Variants in HTR1F observed in about 807,000 individuals in gnomAD.
HTR1F encodes the protein 5-hydroxytryptamine (serotonin) receptor 1F, G protein-coupled.
Under a neutral mutation model 24.0 loss-of-function variants are expected in HTR1F, and 17 were observed. The ratio of observed to expected loss-of-function variants is 0.71; its 90% CI spans 0.48 to 1.06. The LOEUF (loss-of-function observed/expected upper bound fraction) is 1.06, where lower values mean the gene tolerates loss of function less well. Ranked by LOEUF, HTR1F falls within the 50% of genes least tolerant of loss-of-function variation. The pLI is 0.00. For missense variants in HTR1F, 391 were observed against 427.8 expected, an observed-to-expected ratio of 0.91 and a Z score of 0.76; for synonymous variants, 186 against 156.8, an observed-to-expected ratio of 1.19 and a Z score of -1.39.
chr3:87,962,839 T>C (rs12497021), intron 2 of HTR1F, among the ~76,000 whole-genome samples: 13,364 of 152,084 alleles, frequency 0.088, 626 homozygotes, highest in African/African-American at 0.11. Context: ...TTATTTCCAA[T>C]ATAACTCTTA....
chr3:87,901,232 G>A (rs1163602580), intron 2 of HTR1F, among the ~76,000 whole-genome samples: 1 of 152,098 alleles, frequency 6.6e-6, no homozygotes, highest in Non-Finnish European at 1.5e-5. Flanking sequence ...CCAACATCCA[G>A]GGCCTCAGGA....
chr3:87,803,533 A>G (rs1704027369), intron 1 of HTR1F, among the ~76,000 whole-genome samples: 2 of 152,136 alleles, frequency 1.3e-5, no homozygotes, highest in African/African-American at 2.4e-5. Context: ...TCACTTCTGC[A>G]GTGATATTCA....
At chr3:87,859,446 C>T (rs1297310368) in intron 2 of HTR1F, among the ~76,000 whole-genome samples, 2 of 152,156 alleles carry the variant, frequency 1.3e-5, no homozygotes, top group South Asian at 2.1e-4. Context: ...GCTGCTTCTA[C>T]AGTAGAACCA....
chr3:87,807,834 T>A (rs1704098025), intron 1 of HTR1F, among the ~76,000 whole-genome samples: 1 of 151,990 alleles, frequency 6.6e-6, no homozygotes, highest in South Asian at 2.1e-4. Context: ...CATGAAAGGA[T>A]GATGAATTTT....
chr3:87,911,217 A>G (rs756543158), intron 2 of HTR1F, among the ~76,000 whole-genome samples: 31 of 152,200 alleles, frequency 2.0e-4, no homozygotes, highest in Non-Finnish European at 4.4e-4. Context: ...ATAGTCGACT[A>G]GCTAGACTAA....
intron 2 of HTR1F, among the ~76,000 whole-genome samples, chr3:87,907,202 T>TA (rs1208069253): frequency 2.0e-5 from 3 of 151,656 alleles, no homozygotes; most frequent in Non-Finnish European, 2.9e-5. Context: ...CATTTATTTT[T>TA]TTTTTTGATT....
At chr3:87,826,710 C>T (rs1311740612) in intron 2 of HTR1F, among the ~76,000 whole-genome samples, 1 of 152,152 alleles carries the variant, frequency 6.6e-6, no homozygotes, top group Non-Finnish European at 1.5e-5. Flanking sequence ...TTTGTCTTAC[C>T]TACTACCGTG....
rs1576042024 is a variant in HTR1F at position 87,927,969 on chromosome 3, A to G, written c.-42-62739A>G. ...AAATAAACTCCATTGGTGGCTTAAT[A>G]AACTTAACAAATGATTTCATAAATC... is the stretch of plus-strand genomic sequence containing the variant. On this transcript the variant is annotated intron_variant, in intron 2 of 2. Coordinates refer to ENST00000319595, the MANE Select transcript of HTR1F (RefSeq NM_001322209.2). Among the ~76,000 whole-genome samples, 3 of 152,240 alleles carry G rather than the reference A, an allele frequency of 2.0e-5. 1 individual carries two copies. In the South Asian group the frequency reaches 6.2e-4, roughly 32 times the overall value.
chr3:87,826,028 A>G (rs1431446902), intron 2 of HTR1F, among the ~76,000 whole-genome samples: 2 of 152,228 alleles, frequency 1.3e-5, no homozygotes, highest in South Asian at 2.1e-4. Flanking sequence ...GATCATGTGT[A>G]TTAAAAAATA....
At chr3:87,850,031 A>C in intron 2 of HTR1F, among the ~76,000 whole-genome samples, 1 of 151,990 alleles carries the variant, frequency 6.6e-6, no homozygotes, top group East Asian at 1.9e-4. Flanking sequence ...TAGTTCAACC[A>C]TTGTGGAAGT....
intron 2 of HTR1F, among the ~76,000 whole-genome samples, chr3:87,955,359 T>C (rs62267058): frequency 0.14 from 21,794 of 151,432 alleles, 1,965 homozygotes; most frequent in East Asian, 0.24. Context: ...GATTCATCCA[T>C]GTTGCATGTA....
At chr3:87,849,463 T>G (rs1705029405) in intron 2 of HTR1F, among the ~76,000 whole-genome samples, 1 of 151,974 alleles carries the variant, frequency 6.6e-6, no homozygotes, top group East Asian at 1.9e-4. Flanking sequence ...TAATTCAAGA[T>G]GGATTAAAGA....
intron 2 of HTR1F, among the ~76,000 whole-genome samples, chr3:87,925,315 G>A (rs1390981052): frequency 6.6e-6 from 1 of 152,138 alleles, no homozygotes; most frequent in Non-Finnish European, 1.5e-5. Flanking sequence ...TTATCTGGTT[G>A]TGGAGGCTGT....
intron 2 of HTR1F, among the ~76,000 whole-genome samples, chr3:87,987,367 A>G (rs549871773): frequency 2.6e-5 from 4 of 151,720 alleles, no homozygotes; most frequent in African/African-American, 9.6e-5. Flanking sequence ...TCAAGGGAAA[A>G]TAGCTAAAGA....
intron 2 of HTR1F, among the ~76,000 whole-genome samples, chr3:87,966,224 C>A (rs1359244522): frequency 6.6e-6 from 1 of 152,176 alleles, no homozygotes; most frequent in Non-Finnish European, 1.5e-5. Flanking sequence ...TATAAAGACA[C>A]TAATCCCATT....
intron 2 of HTR1F, among the ~76,000 whole-genome samples, chr3:87,856,533 C>T (rs889436096): frequency 6.6e-6 from 1 of 152,046 alleles, no homozygotes; most frequent in Non-Finnish European, 1.5e-5. Context: ...ATAGCTTATA[C>T]TTACTTGTCT....
intron 2 of HTR1F, among the ~76,000 whole-genome samples, chr3:87,842,984 G>A (rs1234578659): frequency 6.6e-6 from 1 of 151,864 alleles, no homozygotes; most frequent in Non-Finnish European, 1.5e-5. Context: ...ACAGTGTTGT[G>A]ATAAAGGTTT....
At chr3:87,961,463 A>C (rs1705058682) in intron 2 of HTR1F, among the ~76,000 whole-genome samples, 1 of 151,962 alleles carries the variant, frequency 6.6e-6, no homozygotes, top group South Asian at 2.1e-4. Flanking sequence ...TGTGCTGTTA[A>C]ATTTTTTTAT....
chr3:87,807,199 T>G (rs1704087635), intron 1 of HTR1F, among the ~76,000 whole-genome samples: 1 of 152,098 alleles, frequency 6.6e-6, no homozygotes, highest in African/African-American at 2.4e-5. Flanking sequence ...TTACATTGAA[T>G]CTGTAGATCA....
Sources: gnomAD v4.1 joint callset for allele counts (sites outside exome capture counted in the v4.1 genomes callset) on GRCh38, gnomAD v4.1.1 for gene constraint, MANE v1.5 for transcripts, NCBI Gene and HGNC (gene_info 2026-07-23, HGNC 2026-07-21) for gene names.